Variants in PPP2R5A observed in about 807,000 individuals in gnomAD.
PPP2R5A encodes the protein protein phosphatase 2 regulatory subunit B'alpha, also known as serine/threonine-protein phosphatase 2A 56 kDa regulatory subunit alpha isoform.
In PPP2R5A, 25 loss-of-function variants were observed where a neutral mutation model predicts 64.2. That is an observed-to-expected ratio of 0.39 (90% confidence interval 0.28 to 0.54). PPP2R5A has a LOEUF of 0.54. Ranked by LOEUF, PPP2R5A falls within the 20% of genes least tolerant of loss-of-function variation. The pLI is 0.67. For missense variants in PPP2R5A, 425 were observed against 576.3 expected (o/e 0.74, Z 2.69); for synonymous variants, 198 against 201.2 (o/e 0.98, Z 0.13).
Position 212,347,330 on chromosome 1 carries a change from CTTTAT to C in PPP2R5A, c.705-12_705-8del, listed in dbSNP as rs1340184869. 4.6e-6 allele frequency: 7 copies of C among 1,524,684 alleles called. No homozygotes were observed. Among genetic ancestry groups the C allele is most frequent in the Non-Finnish European group, 4.5e-6 (5 of 1,107,762 alleles). 94.4% of individuals were successfully genotyped at this position (1,524,684 alleles called of 1,614,324 possible). On this transcript the variant is annotated splice_polypyrimidine_tract_variant and intron_variant, in intron 5 of 12. Coordinates refer to ENST00000261461, the MANE Select transcript of PPP2R5A (RefSeq NM_006243.4). ...AAGTTTGATTTTGATTACATCTTGT[CTTTAT>C]TTTAAATTCAGGTTTATATATGAAA... is the stretch of plus-strand genomic sequence containing the variant.
chr1:212,314,987 A>G (rs1466226459), intron 1 of PPP2R5A, among the ~76,000 whole-genome samples: 1 of 152,214 alleles, frequency 6.6e-6, no homozygotes, highest in Non-Finnish European at 1.5e-5. Context: ...GATTACAGGC[A>G]TAAGCCACCA....
chr1:212,345,978 A>G (rs771788676), intron 5 of PPP2R5A, 45 bp downstream of exon 5: 2 of 1,502,250 alleles, frequency 1.3e-6, no homozygotes, highest in Middle Eastern at 1.9e-4. Flanking sequence ...CCTCCTACAT[A>G]TCTTCTTGTA....
chr1:212,310,902 G>A (rs11805801), intron 1 of PPP2R5A, among the ~76,000 whole-genome samples: 2,169 of 152,268 alleles, frequency 0.014, 50 homozygotes, highest in African/African-American at 0.048. Flanking sequence ...AGAAGTAGAG[G>A]AAGAGCCCTG....
At chr1:212,338,896 T>G (rs1328574451) in intron 3 of PPP2R5A, among the ~76,000 whole-genome samples, 1 of 152,194 alleles carries the variant, frequency 6.6e-6, no homozygotes, top group Non-Finnish European at 1.5e-5. Flanking sequence ...ATCTATTGTG[T>G]GTCAAGCATT....
intron 1 of PPP2R5A, among the ~76,000 whole-genome samples, chr1:212,307,739 T>C (rs972476901): frequency 7.2e-5 from 11 of 152,224 alleles, no homozygotes; most frequent in Non-Finnish European, 1.3e-4. Flanking sequence ...GTCATATGCT[T>C]GAGCCTGAAG....
At chr1:212,355,205 A>G (rs1375166200) in intron 8 of PPP2R5A, among the ~76,000 whole-genome samples, 3 of 152,120 alleles carry the variant, frequency 2.0e-5, no homozygotes, top group Non-Finnish European at 4.4e-5. Flanking sequence ...ATGTTTTATA[A>G]AGGTATTGAT....
intron 1 of PPP2R5A, among the ~76,000 whole-genome samples, chr1:212,326,953 G>A (rs1245323072): frequency 6.6e-6 from 1 of 152,170 alleles, no homozygotes; most frequent in Non-Finnish European, 1.5e-5. Context: ...CTTATGTCTT[G>A]TGACTTTGTG....
At chr1:212,360,231 G>A (rs1320072788) in intron 12 of PPP2R5A, among the ~76,000 whole-genome samples, 1 of 152,210 alleles carries the variant, frequency 6.6e-6, no homozygotes, top group African/African-American at 2.4e-5. Context: ...AAATGATGTG[G>A]CTTCTGTCTG....
chr1:212,353,071 C>T, intron 8 of PPP2R5A: 2 of 432,428 alleles, frequency 4.6e-6, no homozygotes, highest in Non-Finnish European at 4.6e-6. Flanking sequence ...GGAGTGTTGG[C>T]CAGAAGTTGA....
At chr1:212,345,453 A>G (rs1222983313) in intron 4 of PPP2R5A, among the ~76,000 whole-genome samples, 1 of 152,182 alleles carries the variant, frequency 6.6e-6, no homozygotes, top group Non-Finnish European at 1.5e-5. Flanking sequence ...TGTAGTTTTG[A>G]CGATCAAAAA....
At chr1:212,334,741 G>A (rs560094481) in intron 3 of PPP2R5A, among the ~76,000 whole-genome samples, 2 of 152,218 alleles carry the variant, frequency 1.3e-5, no homozygotes, top group East Asian at 3.9e-4. Context: ...GTTTTCTGAT[G>A]ACAAGTTAGC....
chr1:212,294,328 T>G (rs1658654250), intron 1 of PPP2R5A, among the ~76,000 whole-genome samples: 1 of 152,176 alleles, frequency 6.6e-6, no homozygotes, highest in African/African-American at 2.4e-5. Context: ...CTCCTGAATT[T>G]TAATTAGCAA....
rs146033779 is a variant in PPP2R5A, at chr1:212,286,236, G to A, written c.126G>A (p.Ser42=). 6.7e-4 allele frequency: 1,045 copies of A among 1,558,450 alleles called. 9 individuals are homozygous for A. The African/African-American group carries it at 0.013, about 19-fold the overall frequency. ...GGCAGAAGCGCTCCCAGGGCTCGTC[G>A]CAGTTTCGCAGCCAGGGCAGCCAGG... ...AQRQKRSQGS[S]QFRSQGSQAE... Residue 42 remains serine, a synonymous_variant, in exon 1 of 13, where the codon TCG becomes TCA. Coordinates refer to ENST00000261461, the MANE Select transcript of PPP2R5A (RefSeq NM_006243.4).
At chr1:212,332,839 C>T (rs959933748) in intron 2 of PPP2R5A, among the ~76,000 whole-genome samples, 5 of 151,986 alleles carry the variant, frequency 3.3e-5, no homozygotes, top group African/African-American at 7.2e-5. Flanking sequence ...CTTTTTCCCT[C>T]GAATTCCCTG....
intron 8 of PPP2R5A, among the ~76,000 whole-genome samples, chr1:212,351,966 CTTTTT>C (rs983376432): frequency 8.5e-5 from 12 of 141,484 alleles, no homozygotes; most frequent in African/African-American, 3.0e-4. Context: ...TTTTATTTTT[CTTTTT>C]TATTTTATTT....
chr1:212,350,538 C>T (rs1199729783), intron 8 of PPP2R5A, among the ~76,000 whole-genome samples: 1 of 151,808 alleles, frequency 6.6e-6, no homozygotes, highest in African/African-American at 2.4e-5. Flanking sequence ...CCTGTGGTCC[C>T]AGCTACTCAG....
At chr1:212,348,179 T>C (rs1203799096) in intron 6 of PPP2R5A, among the ~76,000 whole-genome samples, 1 of 152,232 alleles carries the variant, frequency 6.6e-6, no homozygotes, top group Non-Finnish European at 1.5e-5. Context: ...TGGGAATTAA[T>C]TGACAGTCCT....
chr1:212,357,817 A>AAAAAAAAG (rs1410466303), intron 11 of PPP2R5A: 1 of 151,670 alleles, frequency 6.6e-6, no homozygotes. Context: ...AAAAAAAAAA[A>AAAAAAAAG]AGAGAGTCTT....
intron 8 of PPP2R5A, among the ~76,000 whole-genome samples, chr1:212,351,018 C>T (rs1253276714): frequency 6.7e-6 from 1 of 150,192 alleles, no homozygotes; most frequent in Admixed American, 6.6e-5. Context: ...GTGGCGTGTG[C>T]CTGTAATCTC....
Sources: allele counts gnomAD v4.1 joint callset (sites outside exome capture counted in the v4.1 genomes callset), GRCh38; gene constraint gnomAD v4.1.1; transcripts MANE v1.5; gene names NCBI Gene and HGNC (gene_info 2026-07-23, HGNC 2026-07-21).